CUL9: variants seen among roughly 807,000 people sequenced by gnomAD.
The protein encoded by CUL9 is cullin 9, also known as cullin-9.
Under a neutral mutation model 272.6 loss-of-function variants are expected in CUL9, and 79 were observed. That is an observed-to-expected ratio of 0.29 (90% CI 0.24 to 0.35). The LOEUF is 0.35. Ranked by LOEUF, CUL9 falls within the 10% of genes least tolerant of loss-of-function variation. The pLI, the probability that CUL9 is intolerant of heterozygous loss-of-function variation, is 1.00. For synonymous variants in CUL9, 1,186 were observed against 1,286.5 expected (o/e 0.92, Z 1.67); for missense variants, 2,532 against 3,255.6 (o/e 0.78, Z 5.41).
In CUL9 at chr6:43,199,797, T is replaced by C; in HGVS notation, c.3157-132T>C. 1.4e-6 allele frequency: 1 copy of C among 727,316 alleles called. No individual in the cohort carries two copies. The highest frequency in any genetic ancestry group is 2.3e-6 in the Non-Finnish European group (1 of 426,330). The allele number at this position is 727,316 out of a possible 1,614,324, so 45.1% of individuals were successfully genotyped here. On this transcript the variant is annotated intron_variant, in intron 13 of 40. Transcript: ENST00000252050. This position sits in a 1 kb window ranked among gnomAD's most constrained non-coding sequence, Gnocchi z 4.4. The stretch of plus-strand genomic sequence containing the variant: ...TTTTACTCCACCCTGAATTTGGTAC[T>C]CTTGTTTCCCTGGGCGTTGGCATGT...
Position 43,199,200 on chromosome 6 carries a change from T to C in CUL9, c.3051-66T>C. ...ATCCGCCCACTTCGGCCTCCCAAAGTGCTGGGATTACAGGCATGAGCCACT... is the reference window on the plus strand; with the variant it reads ...ATCCGCCCACTTCGGCCTCCCAAAGCGCTGGGATTACAGGCATGAGCCACT... On this transcript the variant is annotated intron_variant, in intron 12 of 40. Transcript: ENST00000252050. This position sits in a 1 kb window ranked among gnomAD's most constrained non-coding sequence, Gnocchi z 4.4. 1.5e-6 allele frequency: 2 copies of C among 1,349,798 alleles called. No homozygotes were observed. Among genetic ancestry groups the C allele is most frequent in the Non-Finnish European group, 2.1e-6 (2 of 944,678 alleles). 83.6% of individuals were successfully genotyped at this position (1,349,798 alleles called of 1,614,324 possible). A position where few individuals can be genotyped will look rare whatever the true frequency, so the allele number is the denominator to read the frequency against.
At chr6:43,183,711 T>A (rs957859109) in intron 1 of CUL9, among the ~76,000 whole-genome samples, 1 of 146,794 alleles carries the variant, frequency 6.8e-6, no homozygotes, top group Non-Finnish European at 1.5e-5. Flanking sequence ...CCTTTCTTCC[T>A]TCCTTCCTTC....
chr6:43,205,443 C>T lies in CUL9; in HGVS notation c.4793+20C>T. 2.5e-6 allele frequency: 4 copies of T among 1,607,194 alleles called. No homozygotes were observed. The highest frequency in any genetic ancestry group is 3.4e-6 in the Non-Finnish European group (4 of 1,174,230). On this transcript the variant is annotated intron_variant, in intron 24 of 40. Coordinates refer to ENST00000252050, the MANE Select transcript of CUL9 (RefSeq NM_015089.4). ...CTATCAGTGAGTGCAGGTCTGGAGG[C>T]ATAGGGGATGGGAGGCCTAGATCTA...
At chr6:43,217,428 C>T (rs1161938306) in intron 31 of CUL9, among the ~76,000 whole-genome samples, 1 of 152,148 alleles carries the variant, frequency 6.6e-6, no homozygotes, top group Non-Finnish European at 1.5e-5. Flanking sequence ...AGTGAGTCAT[C>T]TTCAAAAATA....
In CUL9 at chr6:43,198,606, C is replaced by T. The variant is rs909173089; in HGVS notation, c.2804-3C>T. On this transcript the variant is annotated splice_region_variant and splice_polypyrimidine_tract_variant and intron_variant, in intron 11 of 40. Coordinates refer to ENST00000252050, the MANE Select transcript of CUL9 (RefSeq NM_015089.4). ...TTTTTCCCTCTGGTGTGTCTGGCTG[C>T]AGCACTAGAGACCCCCATCATCCAG... 1 of 1,613,842 alleles carries T rather than the reference C, an allele frequency of 6.2e-7. No individual in the cohort carries two copies. The highest frequency in any genetic ancestry group is 8.5e-7 in the Non-Finnish European group (1 of 1,179,888).
rs373698034 is a variant in CUL9 at position 43,193,125 on chromosome 6, G to A, written c.2305G>A (p.Ala769Thr). Residue 769 changes from alanine to threonine, a missense_variant, in exon 9 of 41, where the codon GCC becomes ACC. Ala to Thr is a moderately conservative substitution (Grantham distance 58). Coordinates refer to ENST00000252050, the MANE Select transcript of CUL9 (RefSeq NM_015089.4). ...CAAGCACGAGTGGCGGCCGCTCTTT[G>A]CCAGGGAGGGTGGCATCTATGCTGT... The part of the protein sequence containing the change: ...MTKHEWRPLF[A>T]REGGIYAVLV... 12 of 1,614,102 alleles carry A rather than the reference G, an allele frequency of 7.4e-6. No homozygotes were observed. Among genetic ancestry groups the A allele is most frequent in the South Asian group, 1.1e-5 (1 of 91,090 alleles).
At chr6:43,196,952 A>G in intron 11 of CUL9, 90 bp downstream of exon 11, 1 of 1,099,744 alleles carries the variant, frequency 9.1e-7, no homozygotes, top group Non-Finnish European at 1.3e-6. Context: ...ATACAAGGAA[A>G]CTTCAGGAAA....
Position 43,223,421 on chromosome 6 carries a change from C to A in CUL9, c.7284+24C>A. ...AGGTACTGCCCGGCCCAGACCCCTTCTGCTCCTGCATTCTGCGGGAGTTGA... is the reference window on the plus strand; with the variant it reads ...AGGTACTGCCCGGCCCAGACCCCTTATGCTCCTGCATTCTGCGGGAGTTGA... On this transcript the variant is annotated intron_variant, in intron 39 of 40. Coordinates refer to ENST00000252050, the MANE Select transcript of CUL9 (RefSeq NM_015089.4). This position sits in a 1 kb window ranked among gnomAD's most constrained non-coding sequence, Gnocchi z 4.1. 6.4e-7 allele frequency: 1 copy of A among 1,574,482 alleles called. No individual in the cohort carries two copies. Among genetic ancestry groups the A allele is most frequent in the Non-Finnish European group, 8.7e-7 (1 of 1,155,942 alleles).
chr6:43,189,518 TATTCTC>T (rs1582300073), intron 8 of CUL9, among the ~76,000 whole-genome samples: 2 of 151,874 alleles, frequency 1.3e-5, no homozygotes, highest in African/African-American at 4.8e-5. Flanking sequence ...ACACACAACT[TATTCTC>T]ATTCTATTTA....
At chr6:43,189,055 G>A (rs115947224) in intron 8 of CUL9, 3,615 of 185,760 alleles carry the variant, frequency 0.019, 48 homozygotes, top group Non-Finnish European at 0.027. Context: ...AGATAGCAGA[G>A]CCAGGATTCA....
rs200894477 is a variant in CUL9, at chr6:43,197,491, G to GT, written c.2803+638dup. On this transcript the variant is annotated intron_variant, in intron 11 of 40. Transcript: ENST00000252050. ...TCTTTTTTTGTTTTAAGCTTAACTG[G>GT]TTTTTTTTTGGAGGTGGAGTCTCAC... is the stretch of plus-strand genomic sequence containing the variant. Among the ~76,000 whole-genome samples, 606 of 150,880 alleles carry GT rather than the reference G, an allele frequency of 4.0e-3. 9 individuals are homozygous for GT. Among genetic ancestry groups the GT allele is most frequent in the African/African-American group, 0.013 (520 of 40,992 alleles).
At position 43,223,343 on chromosome 6, in the gene CUL9, G is replaced by A; in HGVS notation, c.7230G>A (p.Glu2410=). 1 of 1,601,848 alleles carries A rather than the reference G, an allele frequency of 6.2e-7. No homozygotes were observed. The highest frequency in any genetic ancestry group is 8.5e-7 in the Non-Finnish European group (1 of 1,174,134). The change falls in exon 39 of 41, where the codon GAG becomes GAA. Residue 2410 remains glutamate, a synonymous_variant. Transcript: ENST00000252050. The surrounding 1 kb of genome is among the most constrained non-coding windows in gnomAD (Gnocchi z 4.1). The stretch of plus-strand genomic sequence containing the variant: ...CCGACTGCCTCAGCACGGGCATGGA[G>A]CTGCTCCGGCGGATCCAGGAGAGGC... ...LRADCLSTGM[E]LLRRIQERLL...
rs1367388471 is a variant in CUL9, at chr6:43,222,890, C to T, written c.7144C>T (p.Leu2382Phe). Reference sequence around the variant, plus strand: ...GCTGCACACCAATGCCCTGCAGATCCTCCTGGGTGAGCCACCCCTGCCAGC... The same window carrying T: ...GCTGCACACCAATGCCCTGCAGATCTTCCTGGGTGAGCCACCCCTGCCAGC... ...LELHTNALQI[L>F]LEETLLRCRD... The change falls in exon 38 of 41, where the codon CTC becomes TTC. Residue 2382 changes from leucine (L) to phenylalanine (F), a missense_variant. Physicochemically the swap from Leu to Phe is conservative, Grantham distance 22. Transcript: ENST00000252050. 2 of 1,613,238 alleles carry T rather than the reference C, an allele frequency of 1.2e-6. No individual in the cohort carries two copies. The highest frequency in any genetic ancestry group is 1.7e-6 in the Non-Finnish European group (2 of 1,179,600).
chr6:43,204,266 CT>C, intron 20 of CUL9, 93 bp from the exon 21 acceptor site: 2 of 1,483,896 alleles, frequency 1.3e-6, no homozygotes, highest in East Asian at 2.3e-5. Context: ...CCCCTCAAGC[CT>C]TTTTGTACAA....
intron 21 of CUL9, 73 bp from the exon 22 acceptor site, chr6:43,204,675 A>G (rs1774906574): frequency 1.3e-6 from 2 of 1,585,158 alleles, no homozygotes; most frequent in Non-Finnish European, 8.6e-7. Context: ...TTTCCAGGAG[A>G]TCACTACCCA....
chr6:43,208,763 A>T (rs372084053), intron 26 of CUL9, among the ~76,000 whole-genome samples: 1 of 152,162 alleles, frequency 6.6e-6, no homozygotes, highest in Non-Finnish European at 1.5e-5. Context: ...AATCTTTTGC[A>T]TACCTTTTTT....
intron 26 of CUL9, among the ~76,000 whole-genome samples, chr6:43,210,686 T>C (rs547041365): frequency 6.6e-6 from 1 of 152,110 alleles, no homozygotes. Flanking sequence ...ACAATCTCTT[T>C]TTAAGATGTC....
chr6:43,194,422 G>A (rs1582324398), intron 9 of CUL9, among the ~76,000 whole-genome samples: 2 of 151,720 alleles, frequency 1.3e-5, no homozygotes, highest in Admixed American at 6.6e-5. Flanking sequence ...GAGTTCAAGC[G>A]ATTCTCCCGC....
intron 29 of CUL9, among the ~76,000 whole-genome samples, chr6:43,214,744 TGA>T (rs1379377378): frequency 6.6e-6 from 1 of 150,414 alleles, no homozygotes; most frequent in Non-Finnish European, 1.5e-5. Flanking sequence ...GAGATTGCAG[TGA>T]GAGATGGTGC....
Sources: allele counts gnomAD v4.1 joint callset (sites outside exome capture counted in the v4.1 genomes callset), GRCh38; gene constraint gnomAD v4.1.1; non-coding constraint Gnocchi (gnomAD v3.1); transcripts MANE v1.5; gene names NCBI Gene and HGNC (gene_info 2026-07-23, HGNC 2026-07-21).